Variants in ANKRD11 observed in about 807,000 individuals in gnomAD.
ANKRD11 encodes ankyrin repeat domain-containing protein 11.
Under a neutral mutation model 195.7 loss-of-function variants are expected in ANKRD11, and 17 were observed. The observed-to-expected ratio is 0.09, with a 90% confidence interval of 0.06 to 0.13. ANKRD11 has a LOEUF of 0.13. Ranked by LOEUF, ANKRD11 falls within the 10% of genes least tolerant of loss-of-function variation. The pLI is 1.00. For synonymous variants in ANKRD11, 1,953 were observed against 1,528.1 expected (o/e 1.28, Z -6.49); for missense variants, 3,735 against 3,566.1 (o/e 1.05, Z -1.21).
chr16:89,361,269 A>C (rs1478939651), intron 2 of ANKRD11, among the ~76,000 whole-genome samples: 2 of 152,230 alleles, frequency 1.3e-5, no homozygotes, highest in African/African-American at 4.8e-5. Context: ...AAGCAGCAGG[A>C]AACGGGGTGA....
intron 2 of ANKRD11, among the ~76,000 whole-genome samples, chr16:89,347,944 T>C (rs774344356): frequency 4.0e-5 from 6 of 149,314 alleles, no homozygotes; most frequent in Admixed American, 6.7e-5. Flanking sequence ...GATTTTGTCT[T>C]TTTTTTTTTG....
chr16:89,294,719 C>CGTACCT (rs2035301512), intron 4 of ANKRD11, among the ~76,000 whole-genome samples: 1 of 152,188 alleles, frequency 6.6e-6, no homozygotes, highest in South Asian at 2.1e-4. Context: ...ACACACAGCC[C>CGTACCT]GTACCTGTAC....
Position 89,275,174 on chromosome 16 carries a change from G to A in ANKRD11, c.7488C>T (p.Ser2496=), listed in dbSNP as rs753798424. 2.5e-6 allele frequency: 4 copies of A among 1,608,900 alleles called. No individual in the cohort carries two copies. The highest frequency in any genetic ancestry group is 3.4e-5 in the Admixed American group (2 of 59,326). The stretch of plus-strand genomic sequence containing the variant: ...ACAGCTCCTTCAGGGGCTCCGCCAG[G>A]GAGGGAGGGGGTGCGATCTACAGGC... ...LHIPVIAPPP[S]LAEPLKELFR... The change falls in exon 10 of 13, where the codon TCC becomes TCT. Residue 2496 remains serine (S), a synonymous_variant. Transcript: ENST00000301030.
At chr16:89,422,505 C>T (rs886101024) in intron 1 of ANKRD11, among the ~76,000 whole-genome samples, 4 of 152,170 alleles carry the variant, frequency 2.6e-5, no homozygotes, top group Non-Finnish European at 5.9e-5. Context: ...CTAACAGGTG[C>T]GACTATGGGT....
chr16:89,279,629 C>T lies in ANKRD11; in HGVS notation c.6913G>A (p.Gly2305Ser). ...TCCGGCTGGATGCCGCCAGGAGGGCCTTCGGCTGGGGCGGCGGCACGGGAG... is the reference window on the plus strand; with the variant it reads ...TCCGGCTGGATGCCGCCAGGAGGGCTTTCGGCTGGGGCGGCGGCACGGGAG... ...EASRAAAPAE[G>S]PPGGIQPEAA... The change falls in exon 9 of 13, where the codon GGC (glycine) becomes AGC (serine). Residue 2305 changes from glycine (G) to serine (S), a missense_variant. Gly to Ser is a moderately conservative substitution (Grantham distance 56). Transcript: ENST00000301030. This position sits in a 1 kb window ranked among gnomAD's most constrained non-coding sequence, Gnocchi z 5.6. 5 of 1,439,216 alleles carry T rather than the reference C, an allele frequency of 3.5e-6. No homozygotes were observed. The highest frequency in any genetic ancestry group is 4.5e-6 in the Non-Finnish European group (5 of 1,101,178). 89.2% of individuals were successfully genotyped at this position (1,439,216 alleles called of 1,614,324 possible).
At chr16:89,351,247 AT>A (rs1250665942) in intron 2 of ANKRD11, among the ~76,000 whole-genome samples, 2 of 152,168 alleles carry the variant, frequency 1.3e-5, no homozygotes, top group Non-Finnish European at 2.9e-5. Context: ...AAAGAATGAA[AT>A]TGAATGCCCA....
At position 89,324,332 on chromosome 16, in the gene ANKRD11, C is replaced by T. The variant is rs147430058; in HGVS notation, c.-59-7254G>A. On this transcript the variant is annotated intron_variant, in intron 2 of 12. Transcript: ENST00000301030. Reference sequence around the variant, plus strand: ...AGCACGGACACAGCAGTCGGGGCGACGTGGGTGCCTCACAGAAGAGGGAAA... The same window carrying T: ...AGCACGGACACAGCAGTCGGGGCGATGTGGGTGCCTCACAGAAGAGGGAAA... 1.2e-3 allele frequency: 1,383 copies of T among 1,199,452 alleles called. 9 individuals are homozygous for T. In the African/African-American group the frequency reaches 0.019, roughly 16 times the overall value. 74.3% of individuals were successfully genotyped at this position (1,199,452 alleles called of 1,614,324 possible).
intron 2 of ANKRD11, among the ~76,000 whole-genome samples, chr16:89,341,697 C>T (rs2038668163): frequency 1.3e-5 from 2 of 152,256 alleles, no homozygotes; most frequent in South Asian, 4.1e-4. Flanking sequence ...CACACCTATT[C>T]ATCTGCATAA....
In ANKRD11 at chr16:89,270,695, C is replaced by T. The variant is rs923501138; in HGVS notation, c.7806+122G>A. On this transcript the variant is annotated intron_variant, in intron 12 of 12. Transcript: ENST00000301030. ...GATTAAGAGAATCTGAAATTGTCAC[C>T]GCCCATCACAGAACTGGGCAGCGGC... The T allele has an allele frequency of 4.7e-5, 44 of 940,994 alleles. 1 individual carries two copies. Among genetic ancestry groups the T allele is most frequent in the South Asian group, 4.4e-4 (32 of 71,912 alleles). The allele number at this position is 940,994 out of a possible 1,614,324, so 58.3% of individuals were successfully genotyped here.
chr16:89,293,553 C>G (rs1328224439), intron 4 of ANKRD11, among the ~76,000 whole-genome samples: 1 of 117,070 alleles, frequency 8.5e-6, no homozygotes, highest in Non-Finnish European at 1.7e-5. Flanking sequence ...GAGGGAGGAG[C>G]TGGGGCGGTA....
At chr16:89,458,183 C>T (rs1366656505) in intron 1 of ANKRD11, among the ~76,000 whole-genome samples, 1 of 151,894 alleles carries the variant, frequency 6.6e-6, no homozygotes, top group Non-Finnish European at 1.5e-5. Context: ...AAAACATAAA[C>T]TCCTGTTCTT....
At chr16:89,315,006 C>T (rs2036860661) in intron 3 of ANKRD11, among the ~76,000 whole-genome samples, 1 of 152,194 alleles carries the variant, frequency 6.6e-6, no homozygotes, top group Non-Finnish European at 1.5e-5. Flanking sequence ...GCCAAGCAGC[C>T]CTTTCACAGA....
At chr16:89,449,361 T>A (rs2043957294) in intron 1 of ANKRD11, among the ~76,000 whole-genome samples, 1 of 151,872 alleles carries the variant, frequency 6.6e-6, no homozygotes, top group East Asian at 1.9e-4. Flanking sequence ...TGAGACCCTG[T>A]CTCAGAAAAA....
At chr16:89,318,460 T>C (rs933987249) in intron 2 of ANKRD11, among the ~76,000 whole-genome samples, 7 of 152,250 alleles carry the variant, frequency 4.6e-5, no homozygotes, top group Non-Finnish European at 1.0e-4. Context: ...AGCACCTCTG[T>C]GCGCGACCAT....
chr16:89,489,821 C>A (rs2057755439), intron 1 of ANKRD11, among the ~76,000 whole-genome samples: 1 of 146,182 alleles, frequency 6.8e-6, no homozygotes, highest in Non-Finnish European at 1.5e-5. Context: ...CACGGCCGCC[C>A]CGGGCCCCCA....
intron 2 of ANKRD11, among the ~76,000 whole-genome samples, chr16:89,381,511 T>C (rs1409837816): frequency 6.6e-6 from 1 of 152,022 alleles, no homozygotes; most frequent in Non-Finnish European, 1.5e-5. Context: ...AAAAGCAAAA[T>C]GAGGGTAAGC....
At chr16:89,458,446 G>A (rs574098992) in intron 1 of ANKRD11, among the ~76,000 whole-genome samples, 1 of 152,062 alleles carries the variant, frequency 6.6e-6, no homozygotes, top group Non-Finnish European at 1.5e-5. Flanking sequence ...GGATGGTCTC[G>A]ATCTCCTGAC....
At chr16:89,363,882 C>T (rs2039838033) in intron 2 of ANKRD11, among the ~76,000 whole-genome samples, 1 of 151,890 alleles carries the variant, frequency 6.6e-6, no homozygotes, top group Non-Finnish European at 1.5e-5. Context: ...GTGGCAAAAC[C>T]CTGTCTCTAC....
Position 89,291,017 on chromosome 16 carries a change from G to A in ANKRD11, c.393C>T (p.Ser131=), listed in dbSNP as rs1567592888. Residue 131 remains serine, a synonymous_variant, in exon 5 of 13, where the codon AGC becomes AGT. Transcript: ENST00000301030. This position sits in a 1 kb window ranked among gnomAD's most constrained non-coding sequence, Gnocchi z 5.3. ...MQMTAEESAN[S]PVDTTPKHPS... is the part of the protein sequence containing the mutation. The stretch of plus-strand genomic sequence containing the variant: ...CCACCCACAGGCCGGGCTCACCTGG[G>A]CTGTTGGCAGACTCCTCGGCCGTCA... 1 of 1,611,416 alleles carries A rather than the reference G, an allele frequency of 6.2e-7. No individual in the cohort carries two copies. Among genetic ancestry groups the A allele is most frequent in the Non-Finnish European group, 8.5e-7 (1 of 1,179,824 alleles).
Sources: gnomAD v4.1 joint callset for allele counts (sites outside exome capture counted in the v4.1 genomes callset) on GRCh38, gnomAD v4.1.1 for gene constraint, Gnocchi (gnomAD v3.1) non-coding constraint, MANE v1.5 for transcripts, NCBI Gene and HGNC (gene_info 2026-07-23, HGNC 2026-07-21) for gene names.